The following SRI variants were observed in gnomAD, a reference collection of about 807,000 sequenced individuals.
The protein encoded by SRI is sorcin, also known as 22 kDa protein.
A neutral mutation model predicts 33.3 loss-of-function variants in SRI; 30 were observed. The observed-to-expected ratio is 0.90, with a 90% CI of 0.67 to 1.22. The LOEUF (loss-of-function observed/expected upper bound fraction) is 1.22. Ranked by LOEUF, SRI falls within the 50% of genes most tolerant of loss-of-function variation. The probability of loss-of-function intolerance (pLI) is 0.00; values close to 1 mark genes in which losing one functional copy is unlikely to be tolerated. For synonymous variants in SRI, 75 were observed against 89.9 expected, an observed-to-expected ratio of 0.83 and a Z score of 0.94; for missense variants, 243 against 250.8, an observed-to-expected ratio of 0.97 and a Z score of 0.21.
At chr7:88,210,816 TC>T in intron 4 of SRI, 65 bp downstream of exon 4, 1 of 1,457,318 alleles carries the variant, frequency 6.9e-7, no homozygotes, top group Non-Finnish European at 9.5e-7. Flanking sequence ...AGATATTAAT[TC>T]TAAGATGAAT....
intron 7 of SRI, among the ~76,000 whole-genome samples, chr7:88,207,124 T>C (rs775468734): frequency 2.6e-5 from 4 of 152,212 alleles, no homozygotes; most frequent in Non-Finnish European, 5.9e-5. Context: ...ACTAAGGTAT[T>C]GTGCACTGCT....
chr7:88,207,164 G>A (rs1231289158), intron 7 of SRI, among the ~76,000 whole-genome samples: 1 of 152,184 alleles, frequency 6.6e-6, no homozygotes, highest in African/African-American at 2.4e-5. Flanking sequence ...CAAGGTCAAG[G>A]TGATTATCCC....
chr7:88,209,459 G>T lies in SRI; in HGVS notation c.398-7C>A. The T allele has an allele frequency of 6.2e-7, 1 of 1,607,792 alleles. No homozygotes were observed. The highest frequency in any genetic ancestry group is 8.5e-7 in the Non-Finnish European group (1 of 1,174,384). ...TGGGGACTCAACCTAAATCCTAAAAGAAAAGCCATCCAGTAAAAAGGTTAA... is the reference window on the plus strand; with the variant it reads ...TGGGGACTCAACCTAAATCCTAAAATAAAAGCCATCCAGTAAAAAGGTTAA... On this transcript the variant is annotated splice_polypyrimidine_tract_variant and splice_region_variant and intron_variant, in intron 5 of 7. Coordinates refer to ENST00000265729, the MANE Select transcript of SRI (RefSeq NM_003130.4).
chr7:88,221,054 A>G (rs896217987), upstream of SRI, among the ~76,000 whole-genome samples: 1 of 152,214 alleles, frequency 6.6e-6, no homozygotes, highest in African/African-American at 2.4e-5. Flanking sequence ...TGATTTCCTG[A>G]ATTTTAACGT....
intron 1 of SRI, among the ~76,000 whole-genome samples, chr7:88,226,250 G>A (rs987890558): frequency 3.9e-5 from 6 of 152,114 alleles, no homozygotes; most frequent in African/African-American, 7.2e-5. Context: ...GCAAGCCCTC[G>A]AAAGTTCTTT....
intron 3 of SRI, among the ~76,000 whole-genome samples, chr7:88,212,928 G>A (rs1046643683): frequency 6.6e-6 from 1 of 152,148 alleles, no homozygotes; most frequent in Non-Finnish European, 1.5e-5. Flanking sequence ...CAACCACAGC[G>A]CAGAGCCAAC....
chr7:88,216,292 TTTGCAG>T (rs2115786786), intron 3 of SRI, among the ~76,000 whole-genome samples: 2 of 151,904 alleles, frequency 1.3e-5, no homozygotes, highest in South Asian at 4.2e-4. Flanking sequence ...ATGGAGCATC[TTTGCAG>T]TATTTCATTA....
rs1209506171 is a variant in SRI at position 88,206,435 on chromosome 7, T to G, written c.*43A>C. 3 of 1,612,570 alleles carry G rather than the reference T, an allele frequency of 1.9e-6. No individual in the cohort carries two copies. The highest frequency in any genetic ancestry group is 2.5e-6 in the Non-Finnish European group (3 of 1,178,660). ...GCAAAGAGGACAAGCAAAGGAGAGCTCCAGTTGGAATGTTGATTACATTCA... is the reference window on the plus strand; with the variant it reads ...GCAAAGAGGACAAGCAAAGGAGAGCGCCAGTTGGAATGTTGATTACATTCA... On this transcript the variant is annotated 3_prime_UTR_variant, in exon 8 of 8. Transcript: ENST00000265729.
intron 3 of SRI, among the ~76,000 whole-genome samples, chr7:88,212,436 C>A (rs1271888155): frequency 6.6e-6 from 1 of 152,214 alleles, no homozygotes; most frequent in Admixed American, 6.5e-5. Context: ...TAGTTCTCCA[C>A]ACTTGTGCTT....
intron 7 of SRI, among the ~76,000 whole-genome samples, chr7:88,207,137 C>T (rs988218620): frequency 5.3e-5 from 8 of 152,156 alleles, no homozygotes; most frequent in African/African-American, 1.9e-4. Context: ...GCACTGCTAA[C>T]CCTTGCAGCT....
intron 4 of SRI, 24 bp downstream of exon 4, chr7:88,210,858 G>T (rs1476423934): frequency 6.2e-7 from 1 of 1,608,772 alleles, no homozygotes; most frequent in Admixed American, 1.7e-5. Context: ...AATTATTCTA[G>T]ACAACAATCA....
intron 4 of SRI, 109 bp downstream of exon 4, chr7:88,210,773 T>A: frequency 2.8e-6 from 3 of 1,090,764 alleles, no homozygotes; most frequent in Non-Finnish European, 4.0e-6. Context: ...TTCAGAAAGC[T>A]TTTTAGTGAT....
At chr7:88,214,593 C>CT (rs1324840517) in intron 3 of SRI, among the ~76,000 whole-genome samples, 1 of 151,340 alleles carries the variant, frequency 6.6e-6, no homozygotes, top group Non-Finnish European at 1.5e-5. Context: ...AATAATATAG[C>CT]TTTTATTAGT....
At chr7:88,220,100 C>A (rs1002066388), upstream of SRI, 115 of 1,437,912 alleles carry the variant, frequency 8.0e-5, no homozygotes, top group Non-Finnish European at 9.7e-5. Context: ...CCCGCCCTGC[C>A]GCTAGGGGGC....
intron 4 of SRI, chr7:88,210,634 A>C (rs1851552954): frequency 2.1e-6 from 1 of 475,432 alleles, no homozygotes; most frequent in East Asian, 3.8e-5. Context: ...CTGTCCTGAC[A>C]CTCTGGACTC....
At chr7:88,211,423 C>A (rs1345436377) in intron 3 of SRI, among the ~76,000 whole-genome samples, 1 of 152,042 alleles carries the variant, frequency 6.6e-6, no homozygotes, top group Non-Finnish European at 1.5e-5. Flanking sequence ...CCACTGCACT[C>A]CAGCCTGGGT....
chr7:88,208,785 TTG>T, intron 6 of SRI: 4 of 595,648 alleles, frequency 6.7e-6, no homozygotes, highest in Admixed American at 3.2e-5. Context: ...GCTGTGTTTT[TTG>T]TTTTTTTGTT....
At position 88,208,491 on chromosome 7, in the gene SRI, A is replaced by C. The variant is rs760595035; in HGVS notation, c.570+16T>G. The C allele has an allele frequency of 6.2e-7, 1 of 1,613,610 alleles. No individual in the cohort carries two copies. The highest frequency in any genetic ancestry group is 1.3e-5 in the African/African-American group (1 of 75,054). On this transcript the variant is annotated intron_variant, in intron 7 of 7. Coordinates refer to ENST00000265729, the MANE Select transcript of SRI (RefSeq NM_003130.4). Reference sequence around the variant, plus strand: ...ATCCTTTTCATCTACTGTATCTCTTAATTTCTAAGACTTACATCATCATAT... The same window carrying C: ...ATCCTTTTCATCTACTGTATCTCTTCATTTCTAAGACTTACATCATCATAT...
rs1436853278 is a variant in SRI at position 88,206,178 on chromosome 7, G to A, written c.*300C>T. 2 of 418,914 alleles carry A rather than the reference G, an allele frequency of 4.8e-6. No individual in the cohort carries two copies. The highest frequency in any genetic ancestry group is 4.0e-5 in the African/African-American group (2 of 50,062). 25.9% of individuals were successfully genotyped at this position (418,914 alleles called of 1,614,324 possible). A position where few individuals can be genotyped will look rare whatever the true frequency, so the allele number is the denominator to read the frequency against. ...TGTCTCACAATGAAAAATAAATAAT[G>A]TGACTTAAACATTTTGCATACTTAA... On this transcript the variant is annotated 3_prime_UTR_variant, in exon 8 of 8. Coordinates refer to ENST00000265729, the MANE Select transcript of SRI (RefSeq NM_003130.4).
Sources: allele counts gnomAD v4.1 joint callset (sites outside exome capture counted in the v4.1 genomes callset), GRCh38; gene constraint gnomAD v4.1.1; transcripts MANE v1.5; gene names NCBI Gene and HGNC (gene_info 2026-07-23, HGNC 2026-07-21).